Variants in CHSY3 observed in about 807,000 individuals in gnomAD.
CHSY3 encodes chondroitin sulfate synthase 3.
CHSY3 carries 35 observed loss-of-function variants against 67.2 expected under a neutral mutation model. The observed-to-expected ratio is 0.52, with a 90% CI of 0.40 to 0.69. CHSY3 has a LOEUF of 0.69. Ranked by LOEUF, CHSY3 falls within the 30% of genes least tolerant of loss-of-function variation. The pLI is 0.00. For synonymous variants in CHSY3, 474 were observed against 434.7 expected, an observed-to-expected ratio of 1.09 and a Z score of -1.12; for missense variants, 1,069 against 1,138.5, an observed-to-expected ratio of 0.94 and a Z score of 0.88.
chr5:129,971,328 AAAT>A (rs1032927544), intron 2 of CHSY3, among the ~76,000 whole-genome samples: 9 of 151,792 alleles, frequency 5.9e-5, no homozygotes, highest in Admixed American at 6.6e-5. Flanking sequence ...TAAAGATATG[AAAT>A]AATAATAATA....
At chr5:130,006,966 G>T (rs1360318149) in intron 2 of CHSY3, among the ~76,000 whole-genome samples, 1 of 152,140 alleles carries the variant, frequency 6.6e-6, no homozygotes, top group Non-Finnish European at 1.5e-5. Flanking sequence ...TTAAAATGCA[G>T]ATTCTGATTT....
At chr5:130,116,544 C>G (rs1026104898) in intron 2 of CHSY3, among the ~76,000 whole-genome samples, 31 of 151,952 alleles carry the variant, frequency 2.0e-4, no homozygotes, top group Non-Finnish European at 3.8e-4. Flanking sequence ...ACTCACTTTT[C>G]TTTATTCCTG....
chr5:130,185,676 A>G lies in CHSY3; in HGVS notation c.2534A>G (p.Lys845Arg), dbSNP rs1197432462. 2 of 1,614,042 alleles carry G rather than the reference A, an allele frequency of 1.2e-6. No homozygotes were observed. Among genetic ancestry groups the G allele is most frequent in the African/African-American group, 1.3e-5 (1 of 75,014 alleles). ...CATTGTGATCCTAACTTGGACCCTAAGCAGTATAAGATGTGCTTAGGATCC... is the reference window on the plus strand; with the variant it reads ...CATTGTGATCCTAACTTGGACCCTAGGCAGTATAAGATGTGCTTAGGATCC... ...PVHCDPNLDPKQYKMCLGSKA... is the reference protein window; with the variant it reads ...PVHCDPNLDPRQYKMCLGSKA... The change falls in exon 3 of 3, where the codon AAG becomes AGG. Residue 845 changes from lysine (K) to arginine (R), a missense_variant. Lys to Arg is a conservative substitution (Grantham distance 26). This residue lies in a region of CHSY3 where 139 missense variants were observed against 152.8 expected (regional missense o/e 0.91). Coordinates refer to ENST00000305031, the MANE Select transcript of CHSY3 (RefSeq NM_175856.5).
chr5:130,135,095 G>A (rs1446763825), intron 2 of CHSY3, among the ~76,000 whole-genome samples: 8 of 151,726 alleles, frequency 5.3e-5, no homozygotes, highest in African/African-American at 9.7e-5. Context: ...ACATATATAC[G>A]TGTCTATATT....
chr5:130,031,057 T>C (rs149627937), intron 2 of CHSY3, among the ~76,000 whole-genome samples: 346 of 152,108 alleles, frequency 2.3e-3, no homozygotes, highest in Admixed American at 5.3e-3. Flanking sequence ...GATGGTGTCA[T>C]ATAAAGAAGA....
intron 2 of CHSY3, among the ~76,000 whole-genome samples, chr5:130,129,503 T>A (rs1046544301): frequency 6.6e-6 from 1 of 152,184 alleles, no homozygotes; most frequent in African/African-American, 2.4e-5. Context: ...CTGTTTAGCT[T>A]TCTAAGTAGC....
intron 2 of CHSY3, among the ~76,000 whole-genome samples, chr5:130,075,770 G>A (rs550641514): frequency 2.6e-5 from 4 of 152,210 alleles, no homozygotes; most frequent in South Asian, 4.1e-4. Flanking sequence ...GATCAAGTAA[G>A]GCTAGTGCCA....
chr5:130,019,430 C>A (rs774208787), intron 2 of CHSY3, among the ~76,000 whole-genome samples: 19 of 152,132 alleles, frequency 1.2e-4, no homozygotes, highest in Non-Finnish European at 1.8e-4. Flanking sequence ...CAACACCCCA[C>A]CACCACCACC....
intron 2 of CHSY3, among the ~76,000 whole-genome samples, chr5:130,178,753 A>T (rs755620718): frequency 6.6e-6 from 1 of 152,214 alleles, no homozygotes; most frequent in Non-Finnish European, 1.5e-5. Flanking sequence ...TTTGTCAACA[A>T]TGACAAGGAT....
At chr5:129,939,337 A>ATATCAGATGCCATACTT (rs1174592953) in intron 2 of CHSY3, among the ~76,000 whole-genome samples, 1 of 152,174 alleles carries the variant, frequency 6.6e-6, no homozygotes, top group Non-Finnish European at 1.5e-5. Context: ...GAGCCAAACC[A>ATATCAGATGCCATACTT]TATCAGATGC....
chr5:130,141,113 C>T, intron 2 of CHSY3: 1 of 321,712 alleles, frequency 3.1e-6, no homozygotes, highest in Non-Finnish European at 5.9e-6. Flanking sequence ...GAGTATCAAG[C>T]CTGATGAGGC....
chr5:130,026,901 ATG>A (rs138023476), intron 2 of CHSY3, among the ~76,000 whole-genome samples: 3 of 152,028 alleles, frequency 2.0e-5, no homozygotes, highest in Non-Finnish European at 4.4e-5. Flanking sequence ...CCCAACGGCC[ATG>A]TGTGTGTGTG....
At chr5:129,956,962 A>G (rs1242976843) in intron 2 of CHSY3, among the ~76,000 whole-genome samples, 1 of 151,886 alleles carries the variant, frequency 6.6e-6, no homozygotes, top group African/African-American at 2.4e-5. Flanking sequence ...TTTTGGTTTC[A>G]TATTAATTGT....
intron 2 of CHSY3, among the ~76,000 whole-genome samples, chr5:130,132,411 G>C (rs1768510730): frequency 6.6e-6 from 1 of 152,082 alleles, no homozygotes; most frequent in South Asian, 2.1e-4. Flanking sequence ...ACCTCAGAGA[G>C]CATAAAGTCT....
chr5:129,918,118 TTTAA>T (rs1760792401), intron 2 of CHSY3, among the ~76,000 whole-genome samples: 2 of 152,210 alleles, frequency 1.3e-5, no homozygotes, highest in African/African-American at 4.8e-5. Context: ...ATCATTGGAC[TTTAA>T]GCCATCACTG....
chr5:130,032,491 C>A (rs990122774), intron 2 of CHSY3, among the ~76,000 whole-genome samples: 32 of 152,070 alleles, frequency 2.1e-4, no homozygotes, highest in African/African-American at 6.3e-4. Context: ...CCACCCATTT[C>A]CAAAATGAAA....
chr5:129,956,874 G>C (rs899836828), intron 2 of CHSY3, among the ~76,000 whole-genome samples: 1 of 152,114 alleles, frequency 6.6e-6, no homozygotes, highest in East Asian at 1.9e-4. Flanking sequence ...TAGCTCTTTA[G>C]TATAGCTTGA....
At chr5:130,181,581 G>A (rs572118766) in intron 2 of CHSY3, among the ~76,000 whole-genome samples, 1 of 152,148 alleles carries the variant, frequency 6.6e-6, no homozygotes, top group Non-Finnish European at 1.5e-5. Context: ...TTCATTAATT[G>A]GAGTATAGCA....
intron 2 of CHSY3, among the ~76,000 whole-genome samples, chr5:130,103,675 T>C (rs1225025655): frequency 2.0e-5 from 3 of 151,954 alleles, no homozygotes; most frequent in African/African-American, 7.2e-5. Context: ...CAATGAAATG[T>C]TTTTCTGTAT....
Sources: gnomAD v4.1 joint callset for allele counts (sites outside exome capture counted in the v4.1 genomes callset) on GRCh38, gnomAD v4.1.1 for gene constraint, gnomAD v4.1.1 regional missense constraint, MANE v1.5 for transcripts, NCBI Gene and HGNC (gene_info 2026-07-23, HGNC 2026-07-21) for gene names.